Variants in CHD5 observed in about 807,000 individuals in gnomAD.
CHD5 encodes chromodomain helicase DNA binding protein 5.
In CHD5, 69 loss-of-function variants were observed where a neutral mutation model predicts 230.3. The observed-to-expected ratio is 0.30, with a 90% CI of 0.25 to 0.37. The LOEUF is 0.37. Ranked by LOEUF, CHD5 falls within the 10% of genes least tolerant of loss-of-function variation. The probability of loss-of-function intolerance (pLI) is 1.00; values close to 1 mark genes in which losing one functional copy is unlikely to be tolerated. For missense variants in CHD5, 1,827 were observed against 2,622.8 expected, an observed-to-expected ratio of 0.70 and a Z score of 6.63; for synonymous variants, 1,064 against 1,065.9, an observed-to-expected ratio of 1.00 and a Z score of 0.03.
rs764844670 is a variant in CHD5 at position 6,125,538 on chromosome 1, C to T, written c.4246G>A (p.Gly1416Ser). 1 of 1,590,680 alleles carries T rather than the reference C, an allele frequency of 6.3e-7. No homozygotes were observed. The highest frequency in any genetic ancestry group is 1.3e-5 in the African/African-American group (1 of 74,304). ...KPLPPLLARV[G>S]GNIEVLGFNA... ...ACAGGCCCCACCTCGATGTTGCCAC[C>T]AACTCGGGCGAGAAGCGGGGGCAGG... is the stretch of plus-strand genomic sequence containing the variant. Residue 1416 changes from glycine (G) to serine (S), a missense_variant, in exon 28 of 42, where the codon GGT becomes AGT. Physicochemically the swap from Gly to Ser is moderately conservative, Grantham distance 56. Transcript: ENST00000262450. This position sits in a 1 kb window ranked among gnomAD's most constrained non-coding sequence, Gnocchi z 6.7.
At chr1:6,152,162 G>A (rs1429692817) in intron 6 of CHD5, among the ~76,000 whole-genome samples, 48 of 152,324 alleles carry the variant, frequency 3.2e-4, no homozygotes, top group Admixed American at 3.1e-3. Context: ...TGAGCCAGGG[G>A]AGCACTCCCT....
chr1:6,153,504 G>A (rs1001120851), intron 5 of CHD5, among the ~76,000 whole-genome samples: 11 of 152,186 alleles, frequency 7.2e-5, no homozygotes, highest in African/African-American at 2.4e-4. Flanking sequence ...TGAAAGAAGG[G>A]ATCCCCGGAG....
At chr1:6,176,862 C>G (rs542431377) in intron 1 of CHD5, among the ~76,000 whole-genome samples, 1 of 152,340 alleles carries the variant, frequency 6.6e-6, no homozygotes, top group South Asian at 2.1e-4. Flanking sequence ...CCCACCAGCT[C>G]TTGACCCCTG....
chr1:6,123,621 T>C (rs1666506514), intron 31 of CHD5, among the ~76,000 whole-genome samples: 1 of 151,930 alleles, frequency 6.6e-6, no homozygotes, highest in African/African-American at 2.4e-5. Context: ...AGAGACGGGG[T>C]TTCACCATGT....
intron 3 of CHD5, among the ~76,000 whole-genome samples, chr1:6,157,583 A>AGG (rs1667099352): frequency 6.6e-6 from 1 of 152,170 alleles, no homozygotes; most frequent in Non-Finnish European, 1.5e-5. Context: ...GTCTCCCAGC[A>AGG]CTGAGAACCA....
chr1:6,110,820 CT>C lies in CHD5; in HGVS notation c.5250-295del, dbSNP rs568578550. Among the ~76,000 whole-genome samples the C allele has an allele frequency of 4.6e-5, 7 of 152,314 alleles. No individual in the cohort carries two copies. In the South Asian group the frequency reaches 1.5e-3, roughly 32 times the overall value. On this transcript the variant is annotated intron_variant, in intron 36 of 41. Transcript: ENST00000262450. The stretch of plus-strand genomic sequence containing the variant: ...TACGTTTAAGTCTTGCCCCCAGTGC[CT>C]GTGAATGGGAACCTTTTTCGGAAAT...
chr1:6,159,212 CAG>C (rs1018838602), intron 3 of CHD5, 122 bp downstream of exon 3: 4 of 1,458,024 alleles, frequency 2.7e-6, no homozygotes, highest in South Asian at 2.9e-5. Context: ...AGCCTGGCAA[CAG>C]AGTGAGACTC....
At chr1:6,152,383 C>T in intron 6 of CHD5, 29 bp downstream of exon 6, 3 of 1,601,228 alleles carry the variant, frequency 1.9e-6, no homozygotes, top group Non-Finnish European at 2.6e-6. Context: ...TGCAAATGCA[C>T]ACACACGCGC....
In CHD5 at chr1:6,154,600, TA is replaced by T. The variant is rs1190339867; in HGVS notation, c.745+59del. The T allele has an allele frequency of 6.8e-7, 1 of 1,476,382 alleles. No homozygotes were observed. Among genetic ancestry groups the T allele is most frequent in the African/African-American group, 1.4e-5 (1 of 70,692 alleles). The allele number at this position is 1,476,382 out of a possible 1,614,324, so 91.5% of individuals were successfully genotyped here. A position where few individuals can be genotyped will look rare whatever the true frequency, so the allele number is the denominator to read the frequency against. ...CGCGTCTGCCCCGTGGCTTCTCCTA[TA>T]GGGTCTGAAAGGGACCTCTTCCCAG... On this transcript the variant is annotated intron_variant, in intron 5 of 41. Coordinates refer to ENST00000262450, the MANE Select transcript of CHD5 (RefSeq NM_015557.3). The surrounding 1 kb of genome is among the most constrained non-coding windows in gnomAD (Gnocchi z 7.0).
chr1:6,117,380 T>C (rs994121618), intron 33 of CHD5, among the ~76,000 whole-genome samples: 1 of 152,142 alleles, frequency 6.6e-6, no homozygotes, highest in African/African-American at 2.4e-5. Flanking sequence ...AAAATATTTG[T>C]AAATCATATA....
chr1:6,127,482 T>G (rs1234442052), intron 25 of CHD5, among the ~76,000 whole-genome samples: 1 of 149,482 alleles, frequency 6.7e-6, no homozygotes, highest in Non-Finnish European at 1.5e-5. Flanking sequence ...CGAGACTCCA[T>G]TTCAAGAAAA....
Position 6,126,738 on chromosome 1 carries a change from C to T in CHD5, c.3912G>A (p.Val1304=), listed in dbSNP as rs755506716. 2 of 1,613,440 alleles carry T rather than the reference C, an allele frequency of 1.2e-6. No individual in the cohort carries two copies. The highest frequency in any genetic ancestry group is 1.3e-5 in the African/African-American group (1 of 74,990). The change falls in exon 26 of 42, where the codon GTG becomes GTA. Residue 1304 remains valine (V), a synonymous_variant. Transcript: ENST00000262450. The surrounding 1 kb of genome is among the most constrained non-coding windows in gnomAD (Gnocchi z 5.7). ...VVREEDGVEE[V]EREIIKQEEN... is the part of the protein sequence containing the mutation. ...CCTCCTGCTTGATGATTTCCCGCTCCACCTCCTCCTGGGGACGCAGCACCA... is the reference window on the plus strand; with the variant it reads ...CCTCCTGCTTGATGATTTCCCGCTCTACCTCCTCCTGGGGACGCAGCACCA...
intron 2 of CHD5, among the ~76,000 whole-genome samples, chr1:6,163,464 G>A (rs774078145): frequency 1.2e-4 from 19 of 152,194 alleles, no homozygotes; most frequent in Non-Finnish European, 2.8e-4. Context: ...GAGGGTGGGG[G>A]TGCAGGGCAG....
Position 6,144,119 on chromosome 1 carries a change from C to T in CHD5, c.1839G>A (p.Lys613=), listed in dbSNP as rs757063544. ...ACTGGTCGTAGGGCAGGTCTTTCCA[C>T]TTGATCAGGTAGTGCACATCCCCCT... ...DKKGDVHYLI[K]WKDLPYDQCT... is the part of the protein sequence containing the mutation. The change falls in exon 12 of 42, where the codon AAG becomes AAA. Residue 613 remains lysine (K), a synonymous_variant. Transcript: ENST00000262450. The T allele has an allele frequency of 1.9e-6, 3 of 1,614,084 alleles. No individual in the cohort carries two copies. The highest frequency in any genetic ancestry group is 1.1e-5 in the South Asian group (1 of 91,088).
At position 6,112,934 on chromosome 1, in the gene CHD5, T is replaced by C; in HGVS notation, c.4977A>G (p.Arg1659=). 6.2e-7 allele frequency: 1 copy of C among 1,613,956 alleles called. No individual in the cohort carries two copies. ...CTGGCCTGAGTTCGGAACTGTCCCCTCTGCTGTGGATCAAGCTCAGCTCCA... is the reference window on the plus strand; with the variant it reads ...CTGGCCTGAGTTCGGAACTGTCCCCCCTGCTGTGGATCAAGCTCAGCTCCA... The part of the protein sequence containing the change: ...DKLELSLIHS[R]GDSSELRPDD... The change falls in exon 34 of 42, where the codon AGA becomes AGG. Residue 1659 remains arginine, a synonymous_variant. Transcript: ENST00000262450.
intron 33 of CHD5, among the ~76,000 whole-genome samples, chr1:6,115,342 G>C (rs569187213): frequency 6.6e-6 from 1 of 151,926 alleles, no homozygotes; most frequent in African/African-American, 2.4e-5. Context: ...CAAGACTTCC[G>C]GCCCTTGGTG....
At chr1:6,124,697 G>C (rs909159353) in intron 29 of CHD5, 36 bp from the exon 30 acceptor site, 8 of 1,264,138 alleles carry the variant, frequency 6.3e-6, no homozygotes, top group African/African-American at 4.5e-5. Flanking sequence ...CTCAGGGAGT[G>C]GGGGGCCGGC....
At position 6,142,631 on chromosome 1, in the gene CHD5, A is replaced by C. The variant is rs749101542; in HGVS notation, c.2044-26T>G. 1.3e-6 allele frequency: 2 copies of C among 1,590,956 alleles called. No homozygotes were observed. Among genetic ancestry groups the C allele is most frequent in the Admixed American group, 1.7e-5 (1 of 59,080 alleles). ...CTGCAGGGGAGGCAGCGGTTCAGACACGCCCCAGATCCTGGGCCACCAGAG... is the reference window on the plus strand; with the variant it reads ...CTGCAGGGGAGGCAGCGGTTCAGACCCGCCCCAGATCCTGGGCCACCAGAG... On this transcript the variant is annotated intron_variant, in intron 13 of 41. Transcript: ENST00000262450. This position sits in a 1 kb window ranked among gnomAD's most constrained non-coding sequence, Gnocchi z 5.2.
intron 5 of CHD5, among the ~76,000 whole-genome samples, chr1:6,152,829 T>G (rs1454347311): frequency 6.6e-6 from 1 of 152,114 alleles, no homozygotes; most frequent in East Asian, 1.9e-4. Context: ...CTATACCGTC[T>G]CCAACCACTG....
Sources: allele counts gnomAD v4.1 joint callset (sites outside exome capture counted in the v4.1 genomes callset), GRCh38; gene constraint gnomAD v4.1.1; non-coding constraint Gnocchi (gnomAD v3.1); transcripts MANE v1.5; gene names NCBI Gene and HGNC (gene_info 2026-07-23, HGNC 2026-07-21).